Variants in MON2 observed in about 807,000 individuals in gnomAD.
The protein encoded by MON2 is protein MON2 homolog.
MON2 carries 84 observed loss-of-function variants against 208.6 expected under a neutral mutation model. The ratio of observed to expected loss-of-function variants is 0.40; its 90% CI spans 0.34 to 0.48. MON2 has a LOEUF of 0.48. Among genes scored for constraint, MON2 ranks in the 20% least tolerant of loss-of-function variants. The pLI, the probability that MON2 is intolerant of heterozygous loss-of-function variation, is 0.59. For missense variants in MON2, 1,611 were observed against 2,015.4 expected (o/e 0.80, Z 3.84); for synonymous variants, 660 against 694.0 (o/e 0.95, Z 0.77).
At chr12:62,513,719 G>A (rs1402789367) in intron 8 of MON2, among the ~76,000 whole-genome samples, 7 of 123,296 alleles carry the variant, frequency 5.7e-5, no homozygotes, top group African/African-American at 1.8e-4. Context: ...GGCTGAGGCA[G>A]GCGGGTCATG....
intron 1 of MON2, among the ~76,000 whole-genome samples, chr12:62,472,984 A>AG: frequency 6.7e-6 from 1 of 149,844 alleles, no homozygotes; most frequent in East Asian, 2.1e-4. Context: ...GACATATTTC[A>AG]AAATTTGATT....
intron 12 of MON2, among the ~76,000 whole-genome samples, chr12:62,534,557 ATATATATATATTT>A (rs1258670464): frequency 7.9e-6 from 1 of 127,234 alleles, no homozygotes; most frequent in African/African-American, 3.1e-5. Flanking sequence ...ATATATATAT[ATATATATATATTT>A]TATATATATA....
rs2068545918 is a variant in MON2, at chr12:62,466,961, C to G, written c.-247C>G. ...GGACCTGCCCGCCTTGTGGGTTTCTCGGCCAGAGTCGGCGGAGCCTAGCGG... is the reference window on the plus strand; with the variant it reads ...GGACCTGCCCGCCTTGTGGGTTTCTGGGCCAGAGTCGGCGGAGCCTAGCGG... On this transcript the variant is annotated 5_prime_UTR_variant, in exon 1 of 35. Coordinates refer to ENST00000393630, the MANE Select transcript of MON2 (RefSeq NM_015026.3). 2.5e-5 allele frequency: 13 copies of G among 517,190 alleles called. No individual in the cohort carries two copies. In the Admixed American group the frequency reaches 4.0e-4, roughly 16 times the overall value. 32.0% of individuals were successfully genotyped at this position (517,190 alleles called of 1,614,324 possible). A position where few individuals can be genotyped will look rare whatever the true frequency, so the allele number is the denominator to read the frequency against.
At chr12:62,473,616 G>A (rs1435221586) in intron 1 of MON2, among the ~76,000 whole-genome samples, 1 of 151,948 alleles carries the variant, frequency 6.6e-6, no homozygotes, top group Non-Finnish European at 1.5e-5. Context: ...TGTCACCCTG[G>A]TTGGAGTGCA....
At chr12:62,527,264 A>G (rs953016033) in intron 11 of MON2, among the ~76,000 whole-genome samples, 13 of 152,188 alleles carry the variant, frequency 8.5e-5, no homozygotes, top group African/African-American at 3.1e-4. Flanking sequence ...CTCTTAAAAA[A>G]AATAGAAATG....
rs2075463742 is a variant in MON2 at position 62,593,745 on chromosome 12, A to G, written c.*996A>G. ...ACTGTCTTTGAATTATGACCCAGGC[A>G]AGATGATTTCAGATTTTCTAAAATC... On this transcript the variant is annotated 3_prime_UTR_variant, in exon 35 of 35. Coordinates refer to ENST00000393630, the MANE Select transcript of MON2 (RefSeq NM_015026.3). The G allele has an allele frequency of 6.6e-6, 1 of 152,284 alleles. No individual in the cohort carries two copies. The highest frequency in any genetic ancestry group is 1.5e-5 in the Non-Finnish European group (1 of 68,000). 9.4% of individuals were successfully genotyped at this position (152,284 alleles called of 1,614,324 possible). A position where few individuals can be genotyped will look rare whatever the true frequency, so the allele number is the denominator to read the frequency against.
At chr12:62,485,435 C>T (rs548708906) in intron 2 of MON2, among the ~76,000 whole-genome samples, 243 of 151,664 alleles carry the variant, frequency 1.6e-3, no homozygotes, top group Middle Eastern at 0.01. Flanking sequence ...GATTAAGGAT[C>T]GGGGGCAAGA....
intron 21 of MON2, among the ~76,000 whole-genome samples, chr12:62,545,333 A>ATT (rs536539372): frequency 6.8e-6 from 1 of 146,502 alleles, no homozygotes. Context: ...ATGTCCCTGG[A>ATT]TTTTTTTTTT....
At chr12:62,498,411 A>G (rs577483065) in intron 4 of MON2, among the ~76,000 whole-genome samples, 16 of 152,206 alleles carry the variant, frequency 1.1e-4, no homozygotes, top group Non-Finnish European at 1.5e-4. Context: ...AATTGTGGCC[A>G]TAGTTTCATG....
intron 30 of MON2, among the ~76,000 whole-genome samples, chr12:62,574,385 T>G (rs144565183): frequency 6.6e-6 from 1 of 152,146 alleles, no homozygotes; most frequent in East Asian, 1.9e-4. Context: ...TGTTTGTTTT[T>G]GTTTTTCTTG....
In MON2 at chr12:62,538,058, G is replaced by A. The variant is rs1378480641; in HGVS notation, c.2119-38G>A. On this transcript the variant is annotated intron_variant, in intron 16 of 34. Transcript: ENST00000393630. ...TAGTTATTGGACCTTTTATACTTTTGTAAAGTTATTTGTTTTGATTTTTTT... is the reference window on the plus strand; with the variant it reads ...TAGTTATTGGACCTTTTATACTTTTATAAAGTTATTTGTTTTGATTTTTTT... 3.2e-6 allele frequency: 5 copies of A among 1,544,100 alleles called. No homozygotes were observed. In the African/African-American group the frequency reaches 6.0e-5, roughly 18 times the overall value.
chr12:62,535,069 C>G, intron 13 of MON2, 143 bp downstream of exon 13: 1 of 620,396 alleles, frequency 1.6e-6, no homozygotes, highest in Admixed American at 2.9e-5. Flanking sequence ...TCCCTCATCC[C>G]CCTTCCTCAT....
At chr12:62,523,327 AG>A (rs2072160732) in intron 8 of MON2, among the ~76,000 whole-genome samples, 1 of 152,184 alleles carries the variant, frequency 6.6e-6, no homozygotes, top group African/African-American at 2.4e-5. Context: ...AGAAAGATGT[AG>A]ATATTTTCAT....
At chr12:62,473,670 A>G (rs1235655463) in intron 1 of MON2, among the ~76,000 whole-genome samples, 1 of 152,044 alleles carries the variant, frequency 6.6e-6, no homozygotes, top group African/African-American at 2.4e-5. Context: ...CCCAGGCTCA[A>G]ATGATCCTCC....
intron 23 of MON2, among the ~76,000 whole-genome samples, chr12:62,550,472 T>C (rs1346348985): frequency 2.6e-5 from 4 of 152,160 alleles, no homozygotes; most frequent in African/African-American, 4.8e-5. Context: ...CAGTGAGCTA[T>C]GATCACAGCA....
intron 1 of MON2, among the ~76,000 whole-genome samples, chr12:62,473,575 T>C (rs2068903748): frequency 6.6e-6 from 1 of 152,164 alleles, no homozygotes; most frequent in Non-Finnish European, 1.5e-5. Flanking sequence ...TTTTTCTTTT[T>C]GTTTCTATTT....
At chr12:62,580,593 T>C (rs1030827805) in intron 32 of MON2, among the ~76,000 whole-genome samples, 173 bp downstream of exon 32, 1 of 152,196 alleles carries the variant, frequency 6.6e-6, no homozygotes, top group South Asian at 2.1e-4. Flanking sequence ...ACATGACTAT[T>C]CTGTGGAATA....
rs751689872 is a variant in MON2, at chr12:62,534,889, G to A, written c.1678G>A (p.Gly560Ser). Residue 560 changes from glycine (G) to serine (S), a missense_variant, in exon 13 of 35, where the codon GGT becomes AGT. By Grantham distance (56) the Gly-to-Ser change is moderately conservative. Transcript: ENST00000393630. Reference sequence around the variant, plus strand: ...AGAAATGGTGAATGCCTGCTGGTGTGGTCTTCTTGCTGCACTCTCACTCCT... The same window carrying A: ...AGAAATGGTGAATGCCTGCTGGTGTAGTCTTCTTGCTGCACTCTCACTCCT... ...WEEMVNACWC[G>S]LLAALSLLLD... 5 of 1,611,794 alleles carry A rather than the reference G, an allele frequency of 3.1e-6. No homozygotes were observed. The Admixed American group carries it at 8.3e-5, about 27-fold the overall frequency.
intron 12 of MON2, among the ~76,000 whole-genome samples, chr12:62,534,529 AAAAAAAAAAAAAAATAT>A (rs1273747096): frequency 2.1e-4 from 6 of 28,066 alleles, no homozygotes; most frequent in African/African-American, 9.9e-4. Context: ...AAAAAAAAAA[AAAAAAAAAAAAAAATAT>A]ATATATATAT....
Sources: gnomAD v4.1 joint callset for allele counts (sites outside exome capture counted in the v4.1 genomes callset) on GRCh38, gnomAD v4.1.1 for gene constraint, MANE v1.5 for transcripts, NCBI Gene and HGNC (gene_info 2026-07-23, HGNC 2026-07-21) for gene names.